Variants in GPALPP1 observed in about 807,000 individuals in gnomAD.
GPALPP1 encodes GPALPP motifs-containing protein 1.
GPALPP1 carries 30 observed loss-of-function variants against 38.9 expected under a neutral mutation model. The observed-to-expected ratio is 0.77, with a 90% CI of 0.58 to 1.05. GPALPP1 has a LOEUF of 1.05. Ranked by LOEUF, GPALPP1 falls within the 50% of genes least tolerant of loss-of-function variation. GPALPP1 has a pLI of 0.00. For missense variants in GPALPP1, 384 were observed against 408.8 expected (o/e 0.94, Z 0.52); for synonymous variants, 120 against 139.2 (o/e 0.86, Z 0.97).
intron 1 of GPALPP1, among the ~76,000 whole-genome samples, chr13:45,003,918 A>G (rs1449211183): frequency 3.9e-5 from 6 of 152,008 alleles, no homozygotes; most frequent in African/African-American, 1.4e-4. Flanking sequence ...AAGAAAAAAA[A>G]AAATCATGAA....
chr13:45,010,064 C>T (rs1874363841), intron 4 of GPALPP1, among the ~76,000 whole-genome samples: 1 of 152,160 alleles, frequency 6.6e-6, no homozygotes, highest in African/African-American at 2.4e-5. Flanking sequence ...CTCCTCCTCT[C>T]CCTAAGTCAA....
intron 2 of GPALPP1, among the ~76,000 whole-genome samples, chr13:45,004,641 T>A (rs1200222813): frequency 2.6e-5 from 4 of 152,136 alleles, no homozygotes; most frequent in Non-Finnish European, 4.4e-5. Context: ...ATCTAGAATT[T>A]CAATATATAT....
At chr13:45,033,424 C>G, downstream of GPALPP1, 1 of 46,788 alleles carries the variant, frequency 2.1e-5, no homozygotes, top group East Asian at 1.9e-3. Flanking sequence ...TTCAAAAGCT[C>G]ATGCTACTTA....
At chr13:45,023,711 C>A (rs1273863578) in intron 7 of GPALPP1, among the ~76,000 whole-genome samples, 1 of 152,144 alleles carries the variant, frequency 6.6e-6, no homozygotes, top group Non-Finnish European at 1.5e-5. Flanking sequence ...CAACCTTCAT[C>A]ATTACTACCT....
At chr13:44,994,839 G>A (rs1342086368) in intron 1 of GPALPP1, among the ~76,000 whole-genome samples, 1 of 152,028 alleles carries the variant, frequency 6.6e-6, no homozygotes, top group Non-Finnish European at 1.5e-5. Flanking sequence ...GAAATGTGAG[G>A]CATTGGAGAG....
At chr13:44,996,784 C>CTTTTTTTTTTT (rs770919969) in intron 1 of GPALPP1, among the ~76,000 whole-genome samples, 1 of 80,398 alleles carries the variant, frequency 1.2e-5, no homozygotes, top group Non-Finnish European at 2.1e-5. Flanking sequence ...TGCCCAGCCT[C>CTTTTTTTTTTT]TTTTTTTTTT....
rs2137962459 is a variant in GPALPP1 at position 45,001,175 on chromosome 13, A to T, written c.89-3130A>T. Among the ~76,000 whole-genome samples the T allele has an allele frequency of 1.3e-5, 2 of 152,126 alleles. 1 individual carries two copies. Among genetic ancestry groups the T allele is most frequent in the African/African-American group, 4.8e-5 (2 of 41,522 alleles). On this transcript the variant is annotated intron_variant, in intron 1 of 7. Coordinates refer to ENST00000379151, the MANE Select transcript of GPALPP1 (RefSeq NM_018559.5). ...TGATAGTGAGTTCTCATGAGATCTG[A>T]TAGTTTTATAAGGGGCTTCTCCCCC...
intron 6 of GPALPP1, among the ~76,000 whole-genome samples, chr13:45,016,638 T>C (rs927873991): frequency 1.3e-5 from 2 of 152,106 alleles, no homozygotes; most frequent in Admixed American, 6.6e-5. Flanking sequence ...TTTGGTTTTT[T>C]TGTTTGGTTG....
chr13:45,014,686 G>A (rs961970325), intron 4 of GPALPP1, among the ~76,000 whole-genome samples: 4 of 152,160 alleles, frequency 2.6e-5, no homozygotes, highest in African/African-American at 9.7e-5. Context: ...GTGTCCTTCA[G>A]GAAGAGAGTG....
intron 7 of GPALPP1, among the ~76,000 whole-genome samples, chr13:45,020,713 T>C (rs1443752972): frequency 6.6e-6 from 1 of 152,122 alleles, no homozygotes; most frequent in Admixed American, 6.6e-5. Context: ...TATCTGTTTA[T>C]TTTTTTCTCT....
At chr13:45,017,166 G>A (rs1593400076) in intron 6 of GPALPP1, among the ~76,000 whole-genome samples, 1 of 152,216 alleles carries the variant, frequency 6.6e-6, no homozygotes, top group South Asian at 2.1e-4. Flanking sequence ...GGTTTCAGGT[G>A]ATAGAAAGAG....
At chr13:44,996,898 A>G (rs1469505821) in intron 1 of GPALPP1, among the ~76,000 whole-genome samples, 2 of 150,560 alleles carry the variant, frequency 1.3e-5, no homozygotes, top group African/African-American at 4.9e-5. Flanking sequence ...GGCATTAAAT[A>G]CATTCAGATG....
rs1196087625 is a variant in GPALPP1, at chr13:45,030,063, CAT to C, written c.*2063_*2064del. ...ACAGTTTGTAGCTAATTTATGGGGT[CAT>C]ATCTTTTTTTTAGCTAATTTACGGG... On this transcript the variant is annotated 3_prime_UTR_variant, in exon 8 of 8. Transcript: ENST00000379151. 1 of 152,038 alleles carries C rather than the reference CAT, an allele frequency of 6.6e-6. No individual in the cohort carries two copies. The highest frequency in any genetic ancestry group is 1.9e-4 in the East Asian group (1 of 5,190). The allele number at this position is 152,038 out of a possible 1,614,324, so 9.4% of individuals were successfully genotyped here.
intron 1 of GPALPP1, among the ~76,000 whole-genome samples, chr13:44,994,508 T>C (rs1873104059): frequency 6.6e-6 from 1 of 152,056 alleles, no homozygotes. Flanking sequence ...AATTACCTGG[T>C]CTTCTCTGTT....
At chr13:44,990,161 G>A (rs1429999797) in intron 1 of GPALPP1, 1 of 406,592 alleles carries the variant, frequency 2.5e-6, no homozygotes. Context: ...CTTAACCTCT[G>A]TGCCATATTG....
downstream of GPALPP1, chr13:45,032,033 A>G (rs1447415842): frequency 1.3e-5 from 2 of 152,236 alleles, no homozygotes; most frequent in African/African-American, 2.4e-5. Flanking sequence ...ACTTGAAATT[A>G]TATGATTTTT....
chr13:45,006,120 G>C, intron 2 of GPALPP1, 82 bp from the exon 3 acceptor site: 1 of 726,744 alleles, frequency 1.4e-6, no homozygotes, highest in Non-Finnish European at 2.4e-6. Context: ...TAGATTTAAT[G>C]CTTTTTTAAA....
intron 6 of GPALPP1, among the ~76,000 whole-genome samples, chr13:45,019,022 TATAAATATATACATAGAA>T (rs1395961837): frequency 7.3e-5 from 5 of 68,282 alleles, no homozygotes; most frequent in South Asian, 4.5e-4. Context: ...TATATACACA[TATAAATATATACATAGAA>T]ATATATAAAT....
chr13:45,037,659 A>T (rs145572447), exon 8 of GPALPP1: 9 of 152,362 alleles, frequency 5.9e-5, no homozygotes, highest in African/African-American at 1.7e-4. Context: ...ATCAATAAAG[A>T]TTTAAAACTA....
Sources: allele counts gnomAD v4.1 joint callset (sites outside exome capture counted in the v4.1 genomes callset), GRCh38; gene constraint gnomAD v4.1.1; transcripts MANE v1.5; gene names NCBI Gene and HGNC (gene_info 2026-07-23, HGNC 2026-07-21).